Variants in SMARCA5 observed in about 807,000 individuals in gnomAD.
SMARCA5 encodes the protein SWI/SNF-related matrix-associated actin-dependent regulator of chromatin subfamily A member 5.
A neutral mutation model predicts 140.4 loss-of-function variants in SMARCA5; 18 were observed. The ratio of observed to expected loss-of-function variants is 0.13; its 90% confidence interval spans 0.09 to 0.19. The LOEUF is 0.19. Among genes scored for constraint, SMARCA5 ranks in the 10% least tolerant of loss-of-function variants. The pLI is 1.00. For synonymous variants in SMARCA5, 449 were observed against 419.6 expected (o/e 1.07, Z -0.86); for missense variants, 606 against 1,276.8 (o/e 0.47, Z 8.01).
Position 143,554,891 on chromosome 4 carries a change from T to A in SMARCA5, c.*1707T>A. 3.3e-6 allele frequency: 1 copy of A among 301,252 alleles called. No homozygotes were observed. The highest frequency in any genetic ancestry group is 6.4e-6 in the Non-Finnish European group (1 of 156,084). The allele number at this position is 301,252 out of a possible 1,614,324, so 18.7% of individuals were successfully genotyped here. A position where few individuals can be genotyped will look rare whatever the true frequency, so the allele number is the denominator to read the frequency against. On this transcript the variant is annotated 3_prime_UTR_variant, in exon 24 of 24. Transcript: ENST00000283131. ...GAAATGCAAAATGAATCAAGTATAG[T>A]GGTAGCCCTGAGAGCTTAGGGACTC...
chr4:143,540,601 G>GC, intron 14 of SMARCA5, 106 bp downstream of exon 14: 2 of 1,041,794 alleles, frequency 1.9e-6, no homozygotes, highest in Non-Finnish European at 2.8e-6. Context: ...ATTGAGTCAA[G>GC]CTTGCAGCCA....
intron 9 of SMARCA5, among the ~76,000 whole-genome samples, chr4:143,533,676 T>A (rs1737245848): frequency 1.3e-5 from 2 of 151,826 alleles, no homozygotes; most frequent in Non-Finnish European, 2.9e-5. Flanking sequence ...CCTGGCTAAT[T>A]TTTTGTATTT....
intron 9 of SMARCA5, among the ~76,000 whole-genome samples, chr4:143,534,430 A>G (rs1737263520): frequency 6.6e-6 from 1 of 152,332 alleles, no homozygotes; most frequent in South Asian, 2.1e-4. Context: ...CCCAAAAAAG[A>G]TAAAAATAAA....
chr4:143,525,026 A>T (rs1393810302), intron 4 of SMARCA5, among the ~76,000 whole-genome samples: 1 of 151,340 alleles, frequency 6.6e-6, no homozygotes, highest in African/African-American at 2.4e-5. Context: ...TGGACAAGTA[A>T]CTTAGGAATT....
chr4:143,516,861 T>TC (rs1010570927), intron 1 of SMARCA5, among the ~76,000 whole-genome samples: 1 of 151,418 alleles, frequency 6.6e-6, no homozygotes, highest in African/African-American at 2.5e-5. Flanking sequence ...AGACTGTAGT[T>TC]AGAGTATTCA....
Position 143,536,442 on chromosome 4 carries a change from C to G in SMARCA5, c.1269-10C>G. The G allele has an allele frequency of 6.3e-7, 1 of 1,589,870 alleles. No homozygotes were observed. The highest frequency in any genetic ancestry group is 8.6e-7 in the Non-Finnish European group (1 of 1,158,362). On this transcript the variant is annotated splice_polypyrimidine_tract_variant and intron_variant, in intron 10 of 23. Transcript: ENST00000283131. ...TTTGAGCTCTAAAAATGTTTTTCTT[C>G]TTTGAATAGGTATACTCGGATATTA...
At chr4:143,516,692 C>A (rs1736847596) in intron 1 of SMARCA5, among the ~76,000 whole-genome samples, 1 of 150,794 alleles carries the variant, frequency 6.6e-6, no homozygotes, top group South Asian at 2.1e-4. Flanking sequence ...TATTGCCTAG[C>A]ATAGATTTGT....
chr4:143,552,471 T>A (rs1217158375), intron 23 of SMARCA5, among the ~76,000 whole-genome samples: 1 of 152,028 alleles, frequency 6.6e-6, no homozygotes, highest in African/African-American at 2.4e-5. Flanking sequence ...GTGGGAAAAA[T>A]CACTTCTTGA....
chr4:143,548,148 C>T lies in SMARCA5; in HGVS notation c.2985+8C>T, dbSNP rs1010611518. On this transcript the variant is annotated splice_region_variant and intron_variant, in intron 22 of 23. Coordinates refer to ENST00000283131, the MANE Select transcript of SMARCA5 (RefSeq NM_003601.4). ...AAGTCCAGAACTGCAATGGTGAGTG[C>T]TCAGGGCTTTTTTGTGTAATGTAGC... 2.6e-6 allele frequency: 4 copies of T among 1,561,396 alleles called. No individual in the cohort carries two copies. The South Asian group carries it at 3.4e-5, about 13-fold the overall frequency.
chr4:143,530,124 A>C (rs1307038949), intron 8 of SMARCA5, among the ~76,000 whole-genome samples: 1 of 152,196 alleles, frequency 6.6e-6, no homozygotes, highest in East Asian at 1.9e-4. Flanking sequence ...CAAACTATAA[A>C]ATGTTTTAAT....
intron 9 of SMARCA5, among the ~76,000 whole-genome samples, chr4:143,531,874 T>G (rs1257336212): frequency 6.6e-6 from 1 of 152,196 alleles, no homozygotes; most frequent in Non-Finnish European, 1.5e-5. Flanking sequence ...CTCAGCGACA[T>G]CACCTCCACT....
Position 143,540,299 on chromosome 4 carries a change from C to T in SMARCA5, c.1771-64C>T, listed in dbSNP as rs1304024622. On this transcript the variant is annotated intron_variant, in intron 13 of 23. Coordinates refer to ENST00000283131, the MANE Select transcript of SMARCA5 (RefSeq NM_003601.4). ...TATTTTAATTTTTTTTCTCAGTGTA[C>T]CCATTTCAGTGTTATTTATGTGACT... The T allele has an allele frequency of 8.5e-6, 11 of 1,300,836 alleles. 1 individual carries two copies. The East Asian group carries it at 2.7e-4, about 32-fold the overall frequency. The allele number at this position is 1,300,836 out of a possible 1,614,324, so 80.6% of individuals were successfully genotyped here.
At chr4:143,525,851 T>C (rs928952367) in intron 5 of SMARCA5, among the ~76,000 whole-genome samples, 15 of 152,240 alleles carry the variant, frequency 9.9e-5, no homozygotes, top group Admixed American at 2.6e-4. Flanking sequence ...ATTAATTGTT[T>C]ATAATTGATA....
chr4:143,514,990 A>G (rs942403544), intron 1 of SMARCA5, among the ~76,000 whole-genome samples: 1 of 152,116 alleles, frequency 6.6e-6, no homozygotes, highest in Non-Finnish European at 1.5e-5. Context: ...TAAATTGGAT[A>G]TGCTTCCAGG....
At position 143,550,011 on chromosome 4, in the gene SMARCA5, A is replaced by G. The variant is rs200781469; in HGVS notation, c.3000A>G (p.Arg1000=). 183 of 1,584,378 alleles carry G rather than the reference A, an allele frequency of 1.2e-4. No homozygotes were observed. In the East Asian group the frequency reaches 4.1e-3, roughly 35 times the overall value. The change falls in exon 23 of 24, where the codon AGA becomes AGG. Residue 1000 remains arginine (R), a synonymous_variant. Transcript: ENST00000283131. ...TTATAATTTAGGAGCTCCAGAGGAG[A>G]TGTAATACCTTAATTACTTTGATTG... ...KSRTAMELQR[R]CNTLITLIER... is the part of the protein sequence containing the mutation.
intron 21 of SMARCA5, 51 bp from the exon 22 acceptor site, chr4:143,547,875 TAC>T: frequency 2.7e-6 from 3 of 1,098,250 alleles, no homozygotes; most frequent in Non-Finnish European, 3.9e-6. Context: ...GAGTTTGAAA[TAC>T]AGATTATATA....
chr4:143,517,415 T>C lies in SMARCA5; in HGVS notation c.238T>C (p.Tyr80His). ...QKEIQEPDPT[Y>H]EEKMQTDRAN... ...GGAAATCCAAGAACCAGATCCTACC[T>C]ATGAAGAAAAAATGGTATGTTCTAG... The change falls in exon 2 of 24, where the codon TAT (tyrosine) becomes CAT (histidine). Residue 80 changes from tyrosine (Y) to histidine (H), a missense_variant. Tyr to His is a moderately conservative substitution (Grantham distance 83). Coordinates refer to ENST00000283131, the MANE Select transcript of SMARCA5 (RefSeq NM_003601.4). The C allele has an allele frequency of 6.2e-7, 1 of 1,606,788 alleles. No homozygotes were observed. The highest frequency in any genetic ancestry group is 8.5e-7 in the Non-Finnish European group (1 of 1,176,308).
At position 143,535,754 on chromosome 4, in the gene SMARCA5, C is replaced by CT. The variant is rs1419099779; in HGVS notation, c.1269-697dup. Among the ~76,000 whole-genome samples the CT allele has an allele frequency of 1.1e-4, 17 of 152,214 alleles. No individual in the cohort carries two copies. In the South Asian group the frequency reaches 3.1e-3, roughly 28 times the overall value. On this transcript the variant is annotated intron_variant, in intron 10 of 23. Transcript: ENST00000283131. ...GTTGTTTAAGCATAGATTGCCTAGG[C>CT]TACTTACTTTGTTCAAAGGATCCAA...
At chr4:143,519,087 A>G (rs1056776752) in intron 2 of SMARCA5, among the ~76,000 whole-genome samples, 1 of 152,016 alleles carries the variant, frequency 6.6e-6, no homozygotes, top group Non-Finnish European at 1.5e-5. Context: ...ACTGGTTTTT[A>G]CCTGGTATCT....
Sources: allele counts gnomAD v4.1 joint callset (sites outside exome capture counted in the v4.1 genomes callset), GRCh38; gene constraint gnomAD v4.1.1; transcripts MANE v1.5; gene names NCBI Gene and HGNC (gene_info 2026-07-23, HGNC 2026-07-21).